Variants in DPY30 observed in about 807,000 individuals in gnomAD.
DPY30 encodes the protein dpy-30 histone methyltransferase complex regulatory subunit, also known as protein dpy-30 homolog.
DPY30 carries 6 observed loss-of-function variants against 16.2 expected under a neutral mutation model. The observed-to-expected ratio is 0.37, with a 90% CI of 0.20 to 0.73. DPY30 has a LOEUF of 0.73. Among genes scored for constraint, DPY30 ranks in the 30% least tolerant of loss-of-function variants. The pLI, the probability that DPY30 is intolerant of heterozygous loss-of-function variation, is 0.51. For synonymous variants in DPY30, 39 were observed against 38.8 expected, an observed-to-expected ratio of 1.00 and a Z score of -0.02; for missense variants, 73 against 113.1, an observed-to-expected ratio of 0.65 and a Z score of 1.61.
chr2:32,025,388 G>A (rs906697047), intron 4 of DPY30, among the ~76,000 whole-genome samples: 6 of 152,078 alleles, frequency 3.9e-5, no homozygotes, highest in South Asian at 2.1e-4. Flanking sequence ...ACTTGAACCC[G>A]GGAGGTGGAG....
rs559067166 is a variant in DPY30, at chr2:32,017,341, G to T, written n.378-5289C>A. On this transcript the variant is annotated intron_variant and non_coding_transcript_variant, in intron 5 of 5. Coordinates refer to the DPY30 transcript ENST00000414013. ...CACTCTTTAAGAAACTCTCAGCTGG[G>T]GGTGGTGGCTTATGCCTATAATCCC... Among the ~76,000 whole-genome samples the T allele has an allele frequency of 3.7e-4, 57 of 152,182 alleles. 1 individual carries two copies. The highest frequency in any genetic ancestry group is 3.4e-3 in the Middle Eastern group (1 of 294).
intron 3 of DPY30, among the ~76,000 whole-genome samples, chr2:32,034,156 C>T (rs1675651416): frequency 6.6e-6 from 1 of 152,200 alleles, no homozygotes; most frequent in South Asian, 2.1e-4. Context: ...TTCCAGTCTT[C>T]AGGTGAATAC....
chr2:32,018,309 G>A (rs1460780162), intron 5 of DPY30, among the ~76,000 whole-genome samples: 1 of 152,110 alleles, frequency 6.6e-6, no homozygotes, highest in Admixed American at 6.6e-5. Context: ...GAAATTTTTA[G>A]ACCATGCATC....
chr2:32,026,350 C>T (rs1482255467), intron 4 of DPY30, among the ~76,000 whole-genome samples: 2 of 152,082 alleles, frequency 1.3e-5, no homozygotes. Context: ...GCTGAAGCTG[C>T]GGTGAGTGGT....
intron 3 of DPY30, among the ~76,000 whole-genome samples, chr2:32,031,237 C>T (rs1268018080): frequency 7.3e-5 from 11 of 151,610 alleles, no homozygotes; most frequent in East Asian, 2.0e-4. Context: ...CTGGCCAATA[C>T]GGCAAAACCC....
intron 3 of DPY30, among the ~76,000 whole-genome samples, chr2:32,030,658 G>A (rs1407504679): frequency 6.6e-6 from 1 of 151,426 alleles, no homozygotes; most frequent in African/African-American, 2.4e-5. Flanking sequence ...AATTATCCAG[G>A]CGTGGTAGTG....
At chr2:32,018,783 G>A (rs1675110346) in intron 5 of DPY30, among the ~76,000 whole-genome samples, 1 of 152,132 alleles carries the variant, frequency 6.6e-6, no homozygotes, top group African/African-American at 2.4e-5. Flanking sequence ...ACTTTGGGAG[G>A]CAAAGGCGGG....
At chr2:32,029,766 C>T in intron 3 of DPY30, 30 bp from the exon 4 acceptor site, 1 of 1,610,926 alleles carries the variant, frequency 6.2e-7, no homozygotes, top group South Asian at 1.1e-5. Context: ...AGTGCATGAA[C>T]ATTTCAAATA....
chr2:32,025,404 A>C (rs1675290846), intron 4 of DPY30, among the ~76,000 whole-genome samples: 1 of 152,098 alleles, frequency 6.6e-6, no homozygotes, highest in Non-Finnish European at 1.5e-5. Context: ...TGGAGGTTGC[A>C]GTGAGCCGAG....
At chr2:32,033,355 G>A (rs1040202379) in intron 3 of DPY30, among the ~76,000 whole-genome samples, 5 of 151,410 alleles carry the variant, frequency 3.3e-5, no homozygotes, top group Non-Finnish European at 7.4e-5. Context: ...ACATTACAAT[G>A]CCTACAATAG....
chr2:32,012,282 C>G (rs1674954876), intron 5 of DPY30, among the ~76,000 whole-genome samples: 1 of 151,880 alleles, frequency 6.6e-6, no homozygotes, highest in African/African-American at 2.4e-5. Context: ...GACTCTCATA[C>G]CTTTTTCTAA....
intron 4 of DPY30, 101 bp downstream of exon 4, chr2:32,029,493 A>G (rs901225678): frequency 2.2e-6 from 3 of 1,376,406 alleles, no homozygotes; most frequent in Admixed American, 4.3e-5. Flanking sequence ...ACATCCATAA[A>G]TCACACAGTA....
intron 3 of DPY30, among the ~76,000 whole-genome samples, chr2:32,037,881 T>A (rs1335289499): frequency 2.0e-5 from 3 of 151,776 alleles, no homozygotes; most frequent in East Asian, 3.9e-4. Flanking sequence ...AAACAAGACA[T>A]GTGTGATTCA....
chr2:32,013,518 A>T (rs1344178854), intron 5 of DPY30: 1 of 152,218 alleles, frequency 6.6e-6, no homozygotes, highest in Non-Finnish European at 1.5e-5. Context: ...AATTAAGGAA[A>T]ATTCATATAA....
chr2:32,037,999 A>G (rs902153034), intron 3 of DPY30, among the ~76,000 whole-genome samples: 1 of 152,104 alleles, frequency 6.6e-6, no homozygotes, highest in African/African-American at 2.4e-5. Flanking sequence ...ATTTGCTTCT[A>G]TCTTCAGCCC....
upstream of DPY30, chr2:32,039,817 G>C: frequency 3.0e-6 from 1 of 337,910 alleles, no homozygotes; most frequent in South Asian, 4.3e-5. Flanking sequence ...AGTGACGGCT[G>C]TCGCACGACT....
intron 3 of DPY30, among the ~76,000 whole-genome samples, chr2:32,038,538 G>A (rs1675840814): frequency 6.6e-6 from 1 of 151,030 alleles, no homozygotes; most frequent in South Asian, 2.1e-4. Flanking sequence ...TCTCACTCCA[G>A]CCCAGGAGTT....
downstream of DPY30, among the ~76,000 whole-genome samples, chr2:32,021,572 G>A (rs1327748799): frequency 6.6e-6 from 1 of 151,584 alleles, no homozygotes; most frequent in Admixed American, 6.6e-5. Context: ...CAGCTACTGG[G>A]GGGTGCTGAG....
downstream of DPY30, among the ~76,000 whole-genome samples, chr2:32,019,582 G>A (rs1489524228): frequency 6.6e-6 from 1 of 151,634 alleles, no homozygotes; most frequent in Non-Finnish European, 1.5e-5. Context: ...AACACTTTGG[G>A]AGGCCGAGGC....
Sources: allele counts gnomAD v4.1 joint callset (sites outside exome capture counted in the v4.1 genomes callset), GRCh38; gene constraint gnomAD v4.1.1; transcripts MANE v1.5; gene names NCBI Gene and HGNC (gene_info 2026-07-23, HGNC 2026-07-21).